SETD2: variants seen among roughly 807,000 people sequenced by gnomAD.
The protein encoded by SETD2 is histone-lysine N-methyltransferase SETD2.
In SETD2, 31 loss-of-function variants were observed where a neutral mutation model predicts 242.1. The observed-to-expected ratio is 0.13, with a 90% confidence interval of 0.10 to 0.17. The LOEUF (loss-of-function observed/expected upper bound fraction) is 0.17, where lower values mean the gene tolerates loss of function less well. Ranked by LOEUF, SETD2 falls within the 10% of genes least tolerant of loss-of-function variation. The probability of loss-of-function intolerance (pLI) is 1.00; values close to 1 mark genes in which losing one functional copy is unlikely to be tolerated. For synonymous variants in SETD2, 1,006 were observed against 1,066.5 expected, an observed-to-expected ratio of 0.94 and a Z score of 1.11; for missense variants, 2,481 against 3,046.3, an observed-to-expected ratio of 0.81 and a Z score of 4.37.
Position 47,029,472 on chromosome 3 carries a change from CAAAT to C in SETD2, c.7350+8190_7350+8193del, listed in dbSNP as rs1217831277. Reference sequence around the variant, plus strand: ...TGGATCAGAAACTTATTAAAACACACAAATAAAAAGCAAAAAAAAAAAACAAAAT... The same window carrying C: ...TGGATCAGAAACTTATTAAAACACACAAAAAGCAAAAAAAAAAAACAAAAT... On this transcript the variant is annotated intron_variant, in intron 18 of 20. Coordinates refer to ENST00000409792, the MANE Select transcript of SETD2 (RefSeq NM_014159.7). 1.0e-4 allele frequency among the ~76,000 whole-genome samples: 14 copies of C among 137,734 alleles called. No individual in the cohort carries two copies. The Admixed American group carries it at 1.0e-3, about 10-fold the overall frequency. 90.4% of individuals were successfully genotyped at this position (137,734 alleles called of 152,430 possible). A position where few individuals can be genotyped will look rare whatever the true frequency, so the allele number is the denominator to read the frequency against.
intron 1 of SETD2, among the ~76,000 whole-genome samples, chr3:47,134,298 A>C (rs1559758335): frequency 1.3e-5 from 2 of 152,250 alleles, no homozygotes; most frequent in Non-Finnish European, 2.9e-5. Context: ...ATGTTTTGAC[A>C]TTTATACATT....
At chr3:47,033,652 A>T (rs1462943906) in intron 18 of SETD2, among the ~76,000 whole-genome samples, 21 of 90,840 alleles carry the variant, frequency 2.3e-4, no homozygotes, top group South Asian at 4.4e-4. Context: ...TCATGGTTTG[A>T]TTTTTTTTTT....
In SETD2 at chr3:47,124,012, T is replaced by C. The variant is rs1174715079; in HGVS notation, c.624A>G (p.Val208=). ...QATTLSSPAP[V]TEPVALPHTP... is the part of the protein sequence containing the mutation. ...TATGTGGCAAGGCCACTGGCTCTGT[T>C]ACTGGTGCTGGTGATGAGAGTGTTG... is the stretch of plus-strand genomic sequence containing the variant. The change falls in exon 3 of 21, where the codon GTA becomes GTG. Residue 208 remains valine, a synonymous_variant. Coordinates refer to ENST00000409792, the MANE Select transcript of SETD2 (RefSeq NM_014159.7). 9 of 1,552,188 alleles carry C rather than the reference T, an allele frequency of 5.8e-6. No individual in the cohort carries two copies. The Admixed American group carries it at 1.8e-4, about 30-fold the overall frequency.
chr3:47,103,734 G>GCACACGCACGCACA (rs1035801625), intron 6 of SETD2, among the ~76,000 whole-genome samples: 2 of 105,220 alleles, frequency 1.9e-5, no homozygotes, highest in African/African-American at 3.4e-5. Flanking sequence ...TACATGCAAT[G>GCACACGCACGCACA]CACACGCACG....
intron 1 of SETD2, chr3:47,138,390 C>G: frequency 5.6e-6 from 1 of 177,342 alleles, no homozygotes; most frequent in South Asian, 9.4e-5. Flanking sequence ...CTGCCTCAGC[C>G]TCCCATGTAT....
intron 18 of SETD2, among the ~76,000 whole-genome samples, chr3:47,033,819 T>A (rs2038886287): frequency 6.6e-6 from 1 of 152,134 alleles, no homozygotes; most frequent in African/African-American, 2.4e-5. Context: ...CTCAGGCATG[T>A]GCCACCATGC....
intron 13 of SETD2, 75 bp downstream of exon 13, chr3:47,066,987 GCTTAAGTT>G (rs935360431): frequency 1.0e-6 from 1 of 990,972 alleles, no homozygotes. Flanking sequence ...AAACAAAAAC[GCTTAAGTT>G]CTTATCAGTT....
At chr3:47,085,489 A>AT (rs568915016) in intron 11 of SETD2, among the ~76,000 whole-genome samples, 14 of 152,188 alleles carry the variant, frequency 9.2e-5, no homozygotes, top group African/African-American at 3.4e-4. Flanking sequence ...AAATCCAAGA[A>AT]TTTTTTCTGA....
chr3:47,154,165 C>A (rs1402000348), intron 1 of SETD2, among the ~76,000 whole-genome samples: 1 of 152,184 alleles, frequency 6.6e-6, no homozygotes, highest in Admixed American at 6.5e-5. Flanking sequence ...TATCCCAGCA[C>A]TTTGGGAGGC....
rs1211620525 is a variant in SETD2 at position 47,121,054 on chromosome 3, T to C, written c.3582A>G (p.Ile1194Met). Residue 1194 changes from isoleucine (I) to methionine (M), a missense_variant, in exon 3 of 21, where the codon ATA becomes ATG. This residue lies in a region of SETD2 where 1,300 missense variants were observed against 1,259.2 expected (regional missense o/e 1.03). Coordinates refer to ENST00000409792, the MANE Select transcript of SETD2 (RefSeq NM_014159.7). ...GCAGCTCTTCTTGCTGCCTAGAAGGTATTTTGGCTTTCACGGTTTCCTCTG... is the reference window on the plus strand; with the variant it reads ...GCAGCTCTTCTTGCTGCCTAGAAGGCATTTTGGCTTTCACGGTTTCCTCTG... ...PNSEETVKAKIPSRQQEELPI... is the reference protein window; with the variant it reads ...PNSEETVKAKMPSRQQEELPI... 4.3e-6 allele frequency: 7 copies of C among 1,614,052 alleles called. No homozygotes were observed. The highest frequency in any genetic ancestry group is 5.9e-6 in the Non-Finnish European group (7 of 1,180,012).
Position 47,083,790 on chromosome 3 carries a change from T to G in SETD2, c.5990A>C (p.Glu1997Ala). 1.9e-6 allele frequency: 3 copies of G among 1,614,180 alleles called. No homozygotes were observed. Among genetic ancestry groups the G allele is most frequent in the Non-Finnish European group, 8.5e-7 (1 of 1,180,006 alleles). The change falls in exon 12 of 21, where the codon GAA becomes GCA. Residue 1997 changes from glutamate to alanine, a missense_variant. Glu to Ala is a moderately radical substitution (Grantham distance 107). Coordinates refer to ENST00000409792, the MANE Select transcript of SETD2 (RefSeq NM_014159.7). ...TATATCCACTGTTTTATCTGGCTGTTCTTGGCTCCTTTCACTCTCCACATC... is the reference window on the plus strand; with the variant it reads ...TATATCCACTGTTTTATCTGGCTGTGCTTGGCTCCTTTCACTCTCCACATC... ...VSDVESERSQ[E>A]QPDKTVDISD...
At chr3:47,049,714 A>G in intron 15 of SETD2, among the ~76,000 whole-genome samples, 1 of 147,200 alleles carries the variant, frequency 6.8e-6, no homozygotes, top group Non-Finnish European at 1.5e-5. Context: ...TATATTAAAT[A>G]TATAAACTTA....
intron 15 of SETD2, among the ~76,000 whole-genome samples, chr3:47,056,567 C>A (rs2040090338): frequency 6.6e-6 from 1 of 152,162 alleles, no homozygotes; most frequent in Non-Finnish European, 1.5e-5. Flanking sequence ...ATGACTGCAG[C>A]CATGGCCAAC....
chr3:47,108,231 C>T (rs1325794429), intron 5 of SETD2, among the ~76,000 whole-genome samples: 1 of 152,092 alleles, frequency 6.6e-6, no homozygotes, highest in Non-Finnish European at 1.5e-5. Context: ...GACTACAAAA[C>T]ATATATTATC....
Position 47,121,879 on chromosome 3 carries a change from C to G in SETD2, c.2757G>C (p.Glu919Asp), listed in dbSNP as rs2106663130. The G allele has an allele frequency of 1.9e-6, 3 of 1,614,000 alleles. No individual in the cohort carries two copies. The South Asian group carries it at 3.3e-5, about 18-fold the overall frequency. ...TTTCTTTCCCTGCATGCTTTAAAAA[C>G]TCTGAACTTTTTTTACTCTTTAGCA... The part of the protein sequence containing the change: ...DAVLKSKKSS[E>D]FLKHAGKETI... Residue 919 changes from glutamate (E) to aspartate (D), a missense_variant, in exon 3 of 21, where the codon GAG becomes GAC. Glu to Asp is a conservative substitution (Grantham distance 45). Coordinates refer to ENST00000409792, the MANE Select transcript of SETD2 (RefSeq NM_014159.7).
chr3:47,031,676 T>C (rs1297177253), intron 18 of SETD2, among the ~76,000 whole-genome samples: 1 of 152,224 alleles, frequency 6.6e-6, no homozygotes, highest in Non-Finnish European at 1.5e-5. Flanking sequence ...ATATGCATAC[T>C]GTAAACCTTA....
At chr3:47,068,179 T>C (rs1235103794) in intron 12 of SETD2, among the ~76,000 whole-genome samples, 1 of 152,218 alleles carries the variant, frequency 6.6e-6, no homozygotes, top group African/African-American at 2.4e-5. Flanking sequence ...TAAGGTGATA[T>C]CATCCCTTCA....
Position 47,163,977 on chromosome 3 carries a change from C to CG in SETD2, c.-54dup. ...GCCCCCTCCCCGCAGCAGGGCGACG[C>CG]GGGGGAGGGGAGGGGAGGAGGCCGC... On this transcript the variant is annotated 5_prime_UTR_variant, in exon 1 of 21. Transcript: ENST00000409792. 1 of 1,256,602 alleles carries CG rather than the reference C, an allele frequency of 8.0e-7. No individual in the cohort carries two copies. The highest frequency in any genetic ancestry group is 1.0e-6 in the Non-Finnish European group (1 of 994,046). The allele number at this position is 1,256,602 out of a possible 1,614,324, so 77.8% of individuals were successfully genotyped here.
chr3:47,041,771 T>C (rs2039292575), intron 17 of SETD2, among the ~76,000 whole-genome samples: 1 of 152,194 alleles, frequency 6.6e-6, no homozygotes, highest in Non-Finnish European at 1.5e-5. Context: ...TTATACTTCC[T>C]TTTTTAGTAC....
Sources: gnomAD v4.1 joint callset for allele counts (sites outside exome capture counted in the v4.1 genomes callset) on GRCh38, gnomAD v4.1.1 for gene constraint, gnomAD v4.1.1 regional missense constraint, MANE v1.5 for transcripts, NCBI Gene and HGNC (gene_info 2026-07-23, HGNC 2026-07-21) for gene names.